OR5V1: variants seen among roughly 807,000 people sequenced by gnomAD.
OR5V1 encodes olfactory receptor family 5 subfamily V member 1.
For synonymous variants in OR5V1, 134 were observed against 143.2 expected (o/e 0.94, Z 0.46); for missense variants, 365 against 371.5 (o/e 0.98, Z 0.14).
At chr6:29,360,228 G>A (rs557027526) in intron 1 of OR5V1, among the ~76,000 whole-genome samples, 23 of 152,330 alleles carry the variant, frequency 1.5e-4, no homozygotes, top group African/African-American at 5.3e-4. Flanking sequence ...CTCCTCACTG[G>A]GGAGGGCATC....
chr6:29,363,310 G>T (rs1008649389), intron 1 of OR5V1, among the ~76,000 whole-genome samples: 1 of 152,070 alleles, frequency 6.6e-6, no homozygotes, highest in Non-Finnish European at 1.5e-5. Context: ...GTAATTAGTA[G>T]CCTAAAAAAA....
chr6:29,359,415 C>T (rs1419137604), intron 1 of OR5V1, among the ~76,000 whole-genome samples: 2 of 152,158 alleles, frequency 1.3e-5, no homozygotes, highest in Non-Finnish European at 2.9e-5. Flanking sequence ...GTGGCCTAAA[C>T]GAGTGCACTG....
At chr6:29,366,837 AAGG>A (rs1278609303) in intron 1 of OR5V1, among the ~76,000 whole-genome samples, 1 of 152,208 alleles carries the variant, frequency 6.6e-6, no homozygotes, top group African/African-American at 2.4e-5. Flanking sequence ...CAAAATAGCG[AAGG>A]AGGACACACT....
At chr6:29,357,001 TATG>T (rs1291980230) in intron 1 of OR5V1, among the ~76,000 whole-genome samples, 1 of 152,152 alleles carries the variant, frequency 6.6e-6, no homozygotes, top group African/African-American at 2.4e-5. Flanking sequence ...TCATTTTTGA[TATG>T]ATAAATTTCA....
At chr6:29,365,069 T>C (rs931638517) in intron 1 of OR5V1, among the ~76,000 whole-genome samples, 1 of 151,882 alleles carries the variant, frequency 6.6e-6, no homozygotes, top group African/African-American at 2.4e-5. Context: ...TGTTGAATAA[T>C]TGGTGCTGGG....
At position 29,355,210 on chromosome 6, in the gene OR5V1, G is replaced by A; in HGVS notation, c.*20C>T. On this transcript the variant is annotated 3_prime_UTR_variant, in exon 2 of 2. Transcript: ENST00000641768. ...TGAAAAAGTTAATTTTGTAGTATAA[G>A]ATTATTGAACCTGTGAGGTTCAATA... 2.6e-6 allele frequency: 4 copies of A among 1,545,088 alleles called. No individual in the cohort carries two copies. The highest frequency in any genetic ancestry group is 2.6e-6 in the Non-Finnish European group (3 of 1,153,084).
At chr6:29,367,066 G>A (rs1056680236) in intron 1 of OR5V1, among the ~76,000 whole-genome samples, 2 of 152,048 alleles carry the variant, frequency 1.3e-5, no homozygotes, top group Non-Finnish European at 2.9e-5. Flanking sequence ...AAACAATAAT[G>A]TATTACTCCT....
At chr6:29,365,001 A>G (rs1354685199) in intron 1 of OR5V1, among the ~76,000 whole-genome samples, 1 of 151,814 alleles carries the variant, frequency 6.6e-6, no homozygotes, top group Non-Finnish European at 1.5e-5. Flanking sequence ...CTTTGTTTTG[A>G]CAAACCTGAA....
rs375793004 is a variant in OR5V1 at position 29,364,215 on chromosome 6, T to C, written c.-83+4417A>G. On this transcript the variant is annotated intron_variant, in intron 1 of 1. Transcript: ENST00000641768. ...TCACAATTACCATAAAAAAATAAGA[T>C]ACCTAGGAATACAACTTACAAGGGA... Among the ~76,000 whole-genome samples, 4 of 152,062 alleles carry C rather than the reference T, an allele frequency of 2.6e-5. No homozygotes were observed. In the East Asian group the frequency reaches 5.8e-4, roughly 22 times the overall value.
intron 1 of OR5V1, among the ~76,000 whole-genome samples, chr6:29,361,746 C>T (rs768465819): frequency 5.9e-5 from 9 of 152,076 alleles, no homozygotes; most frequent in African/African-American, 9.7e-5. Context: ...GGGATTATGT[C>T]ACCACCAGGC....
At chr6:29,357,417 G>T (rs1356055903) in intron 1 of OR5V1, among the ~76,000 whole-genome samples, 2 of 152,152 alleles carry the variant, frequency 1.3e-5, no homozygotes, top group Non-Finnish European at 2.9e-5. Flanking sequence ...ACTTTCAGTT[G>T]AGTGGCTAAA....
At chr6:29,360,328 T>C (rs1358408432) in intron 1 of OR5V1, among the ~76,000 whole-genome samples, 2 of 152,340 alleles carry the variant, frequency 1.3e-5, no homozygotes, top group South Asian at 2.1e-4. Flanking sequence ...GGGGCAGCTG[T>C]GGGCGCAGCT....
Position 29,355,991 on chromosome 6 carries a change from TA to T in OR5V1, c.204del (p.Phe68LeufsTer14), listed in dbSNP as rs748010736. The T allele has an allele frequency of 3.7e-6, 6 of 1,613,900 alleles. No homozygotes were observed. The Admixed American group carries it at 8.3e-5, about 22-fold the overall frequency. ...PMYYFLGNLA[F>X]IDICYTTSNV... Reference sequence around the variant, plus strand: ...TTGCTGGTGGTGTAGCAGATGTCAATAAAGGCCAAGTTCCCTAGAAAATAAT... The same window carrying T: ...TTGCTGGTGGTGTAGCAGATGTCAATAAGGCCAAGTTCCCTAGAAAATAAT... On this transcript the variant is annotated frameshift_variant, in exon 2 of 2. Transcript: ENST00000641768. LOFTEE classifies it low-confidence loss of function (END_TRUNC).
Position 29,355,958 on chromosome 6 carries a change from G to T in OR5V1, c.238C>A (p.Gln80Lys). 6.2e-7 allele frequency: 1 copy of T among 1,614,034 alleles called. No individual in the cohort carries two copies. Among genetic ancestry groups the T allele is most frequent in the Non-Finnish European group, 8.5e-7 (1 of 1,179,948 alleles). Residue 80 changes from glutamine (Q) to lysine (K), a missense_variant, in exon 2 of 2, where the codon CAG becomes AAG. Physicochemically the swap from Gln to Lys is moderately conservative, Grantham distance 53. Coordinates refer to ENST00000641768, the MANE Select transcript of OR5V1 (RefSeq NM_030876.6). ...DICYTTSNVP[Q>K]MMVHLLSKKK... ...TTTGAGAGGAGGTGCACCATCATCTGGGGGACATTGCTGGTGGTGTAGCAG... is the reference window on the plus strand; with the variant it reads ...TTTGAGAGGAGGTGCACCATCATCTTGGGGACATTGCTGGTGGTGTAGCAG...
At chr6:29,357,092 A>C (rs1489231154) in intron 1 of OR5V1, among the ~76,000 whole-genome samples, 1 of 152,212 alleles carries the variant, frequency 6.6e-6, no homozygotes, top group Non-Finnish European at 1.5e-5. Context: ...CAAGAGACTT[A>C]TCCTAATGAA....
intron 1 of OR5V1, among the ~76,000 whole-genome samples, chr6:29,358,529 A>G (rs572946491): frequency 1.3e-5 from 2 of 152,326 alleles, no homozygotes; most frequent in South Asian, 4.1e-4. Context: ...TTGCAGCATT[A>G]TTCACAGTAG....
chr6:29,363,957 A>G (rs928101637), intron 1 of OR5V1, among the ~76,000 whole-genome samples: 2 of 151,978 alleles, frequency 1.3e-5, no homozygotes, highest in African/African-American at 4.8e-5. Flanking sequence ...GCAATCAGGC[A>G]AGAGAAAGAA....
At chr6:29,362,538 T>C (rs886546373) in intron 1 of OR5V1, among the ~76,000 whole-genome samples, 2 of 152,134 alleles carry the variant, frequency 1.3e-5, no homozygotes, top group African/African-American at 4.8e-5. Context: ...TAATTGGAAG[T>C]AAAACACTCC....
chr6:29,355,855 A>G lies in OR5V1; in HGVS notation c.341T>C (p.Leu114Pro), dbSNP rs1173845193. Reference sequence around the variant, plus strand: ...ACGATCATATGCCATTGCTGCCAGTAGGAGACACTCTGATCCTACAAAGAA... The same window carrying G: ...ACGATCATATGCCATTGCTGCCAGTGGGAGACACTCTGATCCTACAAAGAA... ...FVFFVGSECL[L>P]LAAMAYDRYI... is the part of the protein sequence containing the mutation. Residue 114 changes from leucine to proline, a missense_variant, in exon 2 of 2, where the codon CTA becomes CCA. Transcript: ENST00000641768. 6.2e-7 allele frequency: 1 copy of G among 1,614,090 alleles called. No individual in the cohort carries two copies. The highest frequency in any genetic ancestry group is 1.7e-5 in the Admixed American group (1 of 59,978).
Sources: gnomAD v4.1 joint callset for allele counts (sites outside exome capture counted in the v4.1 genomes callset) on GRCh38, gnomAD v4.1.1 for gene constraint, MANE v1.5 for transcripts, NCBI Gene and HGNC (gene_info 2026-07-23, HGNC 2026-07-21) for gene names.